Variants in UBAP2 observed in about 807,000 individuals in gnomAD.
UBAP2 encodes the protein ubiquitin associated protein 2, also known as ubiquitin-associated protein 2.
In UBAP2, 75 loss-of-function variants were observed where a neutral mutation model predicts 139.6. The ratio of observed to expected loss-of-function variants is 0.54; its 90% CI spans 0.45 to 0.65. The LOEUF is 0.65. Ranked by LOEUF, UBAP2 falls within the 30% of genes least tolerant of loss-of-function variation. UBAP2 has a pLI of 0.00. For missense variants in UBAP2, 1,368 were observed against 1,369.6 expected (o/e 1.00, Z 0.02); for synonymous variants, 526 against 526.2 (o/e 1.00, Z 0.01).
At chr9:33,959,967 T>G (rs1425962921) in intron 10 of UBAP2, among the ~76,000 whole-genome samples, 6 of 152,170 alleles carry the variant, frequency 3.9e-5, no homozygotes, top group Non-Finnish European at 5.9e-5. Flanking sequence ...AGATGGATTC[T>G]TGCTCTGTCA....
intron 14 of UBAP2, 119 bp from the exon 15 acceptor site, chr9:33,943,708 G>A: frequency 1.2e-6 from 1 of 816,608 alleles, no homozygotes; most frequent in Non-Finnish European, 1.9e-6. Flanking sequence ...AAGAAGGAGT[G>A]AGAAACAAGG....
chr9:33,952,624 CAAG>C (rs993419804), intron 12 of UBAP2: 1 of 152,500 alleles, frequency 6.6e-6, no homozygotes, highest in Non-Finnish European at 1.5e-5. Flanking sequence ...AATTGGAAAA[CAAG>C]AAATTGAATA....
chr9:34,030,336 C>A (rs1298832351), intron 1 of UBAP2, among the ~76,000 whole-genome samples: 5 of 152,008 alleles, frequency 3.3e-5, no homozygotes, highest in African/African-American at 1.2e-4. Flanking sequence ...GTAGTCCCAG[C>A]TACTTGGGAG....
chr9:34,026,879 C>T (rs1825442023), intron 1 of UBAP2, among the ~76,000 whole-genome samples: 1 of 152,150 alleles, frequency 6.6e-6, no homozygotes, highest in Admixed American at 6.6e-5. Context: ...TGTTCAGTCA[C>T]AGATAAATAA....
intron 13 of UBAP2, among the ~76,000 whole-genome samples, chr9:33,946,462 C>T (rs1298179778): frequency 2.6e-5 from 4 of 152,146 alleles, no homozygotes; most frequent in Non-Finnish European, 4.4e-5. Flanking sequence ...ATTTTTCAAA[C>T]GGTTTTAATA....
intron 6 of UBAP2, among the ~76,000 whole-genome samples, chr9:33,974,321 A>T (rs1050013641): frequency 2.0e-5 from 3 of 152,162 alleles, no homozygotes; most frequent in Admixed American, 1.3e-4. Flanking sequence ...CAGCTTGGGC[A>T]AATGGCAAAA....
rs1227506526 is a variant in UBAP2 at position 33,933,644 on chromosome 9, T to C, written c.1970-16A>G. ...GTCTTTGGAGCTGGAACAGATGAAGTAGCTGTAAGAAGCAGATCTGTTTAT... is the reference window on the plus strand; with the variant it reads ...GTCTTTGGAGCTGGAACAGATGAAGCAGCTGTAAGAAGCAGATCTGTTTAT... On this transcript the variant is annotated splice_polypyrimidine_tract_variant and intron_variant, in intron 17 of 28. Transcript: ENST00000379238. The C allele has an allele frequency of 6.2e-7, 1 of 1,613,156 alleles. No homozygotes were observed. Among genetic ancestry groups the C allele is most frequent in the Non-Finnish European group, 8.5e-7 (1 of 1,179,710 alleles).
intron 1 of UBAP2, among the ~76,000 whole-genome samples, chr9:34,046,619 G>A (rs1564080214): frequency 7.0e-6 from 1 of 142,482 alleles, no homozygotes; most frequent in South Asian, 2.2e-4. Context: ...ACTCCAGCCT[G>A]GGCGACAGAA....
intron 12 of UBAP2, chr9:33,948,794 T>C (rs1304545402): frequency 2.1e-6 from 1 of 485,646 alleles, no homozygotes; most frequent in South Asian, 3.8e-5. Context: ...TTCCTCATTC[T>C]GACATAAGAA....
chr9:34,030,026 C>CTT (rs1825752964), intron 1 of UBAP2, among the ~76,000 whole-genome samples: 1 of 151,586 alleles, frequency 6.6e-6, no homozygotes, highest in Non-Finnish European at 1.5e-5. Flanking sequence ...ATAGGCCAGG[C>CTT]ACGGTGGCTC....
chr9:33,946,049 TCAAA>T (rs1825630047), intron 13 of UBAP2, among the ~76,000 whole-genome samples: 1 of 152,200 alleles, frequency 6.6e-6, no homozygotes, highest in Non-Finnish European at 1.5e-5. Context: ...CACTCTAATA[TCAAA>T]CACTTTTGAA....
intron 2 of UBAP2, among the ~76,000 whole-genome samples, chr9:34,013,887 A>AC (rs1271360917): frequency 6.6e-6 from 1 of 152,018 alleles, no homozygotes; most frequent in Non-Finnish European, 1.5e-5. Context: ...AAAAAAAAAA[A>AC]GAAAGAAAAA....
At chr9:34,016,300 GAGGAAGAGGAGGAAGAGA>G (rs1824301517) in intron 2 of UBAP2, among the ~76,000 whole-genome samples, 2 of 111,620 alleles carry the variant, frequency 1.8e-5, no homozygotes, top group Middle Eastern at 4.1e-3. Flanking sequence ...GGAGGAAGAG[GAGGAAGAGGAGGAAGAGA>G]AGGAGGAAGA....
chr9:33,924,738 T>C (rs1229369412), intron 22 of UBAP2, among the ~76,000 whole-genome samples: 1 of 152,144 alleles, frequency 6.6e-6, no homozygotes, highest in Non-Finnish European at 1.5e-5. Flanking sequence ...GGCACGGGAA[T>C]AAGCAGGACC....
chr9:34,016,257 GGAA>G lies in UBAP2; in HGVS notation c.99+790_99+792del, dbSNP rs1479432399. ...AGGAAGGGGAGGAAGAGGAGGAGGA[GGAA>G]GAGGAGGAAGAGAAGGAGGAAGAGG... On this transcript the variant is annotated intron_variant, in intron 2 of 28. Coordinates refer to ENST00000379238, the MANE Select transcript of UBAP2 (RefSeq NM_001370062.2). 1.6e-3 allele frequency among the ~76,000 whole-genome samples: 43 copies of G among 27,252 alleles called. 1 individual carries two copies. Among genetic ancestry groups the G allele is most frequent in the Non-Finnish European group, 2.8e-3 (27 of 9,664 alleles). 17.9% of individuals were successfully genotyped at this position (27,252 alleles called of 152,430 possible).
At chr9:33,931,603 G>T (rs1457283598) in intron 19 of UBAP2, among the ~76,000 whole-genome samples, 2 of 152,206 alleles carry the variant, frequency 1.3e-5, no homozygotes, top group Non-Finnish European at 2.9e-5. Flanking sequence ...CTTTGAAAGT[G>T]GCAGTTTGTG....
intron 9 of UBAP2, among the ~76,000 whole-genome samples, chr9:33,962,447 A>G (rs1332484208): frequency 1.3e-5 from 2 of 151,938 alleles, no homozygotes; most frequent in African/African-American, 2.4e-5. Flanking sequence ...GGAGTTCAAG[A>G]CCAGCCTGGT....
chr9:33,981,780 TAGGAAGGA>T (rs972167715), intron 6 of UBAP2, among the ~76,000 whole-genome samples: 47 of 114,830 alleles, frequency 4.1e-4, no homozygotes, highest in East Asian at 2.4e-3. Context: ...GGTAGGAAGG[TAGGAAGGA>T]AGGAAGGAAG....
chr9:34,039,733 G>C (rs1266752506), intron 1 of UBAP2, among the ~76,000 whole-genome samples: 2 of 151,270 alleles, frequency 1.3e-5, no homozygotes, highest in African/African-American at 4.9e-5. Context: ...CTCTGCCTAG[G>C]AAAACCAGAG....
Sources: allele counts gnomAD v4.1 joint callset (sites outside exome capture counted in the v4.1 genomes callset), GRCh38; gene constraint gnomAD v4.1.1; transcripts MANE v1.5; gene names NCBI Gene and HGNC (gene_info 2026-07-23, HGNC 2026-07-21).